The following WWOX variants were observed in gnomAD, a reference collection of about 807,000 sequenced individuals.
WWOX encodes the protein WW domain-containing oxidoreductase.
Under a neutral mutation model 46.2 loss-of-function variants are expected in WWOX, and 69 were observed. That is an observed-to-expected ratio of 1.49 (90% CI 1.23 to 1.82). The LOEUF (loss-of-function observed/expected upper bound fraction) is 1.82, where lower values mean the gene tolerates loss of function less well. Among genes scored for constraint, WWOX ranks in the 40% most tolerant of loss-of-function variants. The pLI is 0.00. For synonymous variants in WWOX, 359 were observed against 202.6 expected (o/e 1.77, Z -6.56); for missense variants, 919 against 542.6 (o/e 1.69, Z -6.89).
chr16:78,923,850 A>T (rs573221950), intron 8 of WWOX, among the ~76,000 whole-genome samples: 237 of 117,416 alleles, frequency 2.0e-3, no homozygotes, highest in African/African-American at 7.6e-3. Flanking sequence ...CCCAGGCTGG[A>T]GTGCAGTGGC....
intron 8 of WWOX, among the ~76,000 whole-genome samples, chr16:79,087,105 G>A (rs2048867850): frequency 6.6e-6 from 1 of 152,182 alleles, no homozygotes; most frequent in African/African-American, 2.4e-5. Flanking sequence ...GATGGAGATG[G>A]GAATTGCATT....
At chr16:79,156,429 G>A (rs977083690) in intron 8 of WWOX, among the ~76,000 whole-genome samples, 1 of 152,180 alleles carries the variant, frequency 6.6e-6, no homozygotes, top group Non-Finnish European at 1.5e-5. Flanking sequence ...CCAAAGTGCT[G>A]GGATAACAGG....
intron 8 of WWOX, among the ~76,000 whole-genome samples, chr16:78,935,005 G>A (rs1169520348): frequency 1.3e-5 from 2 of 152,132 alleles, no homozygotes; most frequent in Non-Finnish European, 2.9e-5. Context: ...ATGAAAAAAT[G>A]CTCATCATCA....
intron 8 of WWOX, among the ~76,000 whole-genome samples, chr16:79,010,750 G>C (rs1415118283): frequency 1.3e-5 from 2 of 150,912 alleles, no homozygotes; most frequent in African/African-American, 2.4e-5. Context: ...GAACCTTCCA[G>C]GGACATGGAC....
intron 5 of WWOX, among the ~76,000 whole-genome samples, chr16:78,260,728 C>T (rs1017347510): frequency 6.6e-6 from 1 of 150,432 alleles, no homozygotes; most frequent in East Asian, 1.9e-4. Context: ...CACTTGAGGT[C>T]AGGAGTTTGA....
intron 8 of WWOX, among the ~76,000 whole-genome samples, chr16:78,533,984 T>C (rs1256323981): frequency 1.3e-5 from 2 of 152,190 alleles, no homozygotes; most frequent in Non-Finnish European, 2.9e-5. Flanking sequence ...GCAAATATTC[T>C]AGTATTTGCC....
At chr16:78,375,343 A>C (rs1401187588) in intron 5 of WWOX, among the ~76,000 whole-genome samples, 1 of 152,190 alleles carries the variant, frequency 6.6e-6, no homozygotes, top group East Asian at 1.9e-4. Context: ...TGAGTTTCCA[A>C]ATGGCTTATG....
chr16:79,034,248 G>C (rs2047822288), intron 8 of WWOX, among the ~76,000 whole-genome samples: 1 of 152,140 alleles, frequency 6.6e-6, no homozygotes, highest in African/African-American at 2.4e-5. Context: ...TGTAAAAATA[G>C]TTCACTGTCT....
chr16:78,475,240 C>T (rs567171106), intron 8 of WWOX, among the ~76,000 whole-genome samples: 6 of 152,332 alleles, frequency 3.9e-5, no homozygotes, highest in African/African-American at 1.4e-4. Flanking sequence ...ATGCTGGAAG[C>T]TGCTGCTGCT....
intron 8 of WWOX, among the ~76,000 whole-genome samples, chr16:79,082,560 T>C (rs1332578827): frequency 6.6e-6 from 1 of 152,174 alleles, no homozygotes; most frequent in Non-Finnish European, 1.5e-5. Flanking sequence ...GGGTTGATCA[T>C]TGTGGTTCAT....
intron 8 of WWOX, among the ~76,000 whole-genome samples, chr16:78,861,723 G>A (rs1370939339): frequency 6.6e-6 from 1 of 152,046 alleles, no homozygotes; most frequent in African/African-American, 2.4e-5. Context: ...TTGAATTCCA[G>A]GTAAAAACCT....
At chr16:78,640,036 G>A (rs547964979) in intron 8 of WWOX, among the ~76,000 whole-genome samples, 1 of 152,274 alleles carries the variant, frequency 6.6e-6, no homozygotes, top group Non-Finnish European at 1.5e-5. Context: ...AGATAGGAAA[G>A]TGACACAGCA....
At chr16:78,873,056 T>G (rs1430279215) in intron 8 of WWOX, 1 of 152,306 alleles carries the variant, frequency 6.6e-6, no homozygotes, top group African/African-American at 2.4e-5. Flanking sequence ...TTTGGCCTCC[T>G]GAAGTACTGA....
chr16:78,687,769 TCTGA>T (rs1205685171), intron 8 of WWOX, among the ~76,000 whole-genome samples: 11 of 152,160 alleles, frequency 7.2e-5, no homozygotes, highest in African/African-American at 2.7e-4. Flanking sequence ...ATTCTCCAGG[TCTGA>T]CTATTAACCA....
At chr16:78,577,270 C>A (rs1020810395) in intron 8 of WWOX, among the ~76,000 whole-genome samples, 5 of 152,180 alleles carry the variant, frequency 3.3e-5, no homozygotes, top group Non-Finnish European at 5.9e-5. Flanking sequence ...ATTTGCTGAA[C>A]AGACTTTCTG....
At chr16:78,700,657 T>A (rs997412641) in intron 8 of WWOX, among the ~76,000 whole-genome samples, 1 of 152,176 alleles carries the variant, frequency 6.6e-6, no homozygotes, top group Non-Finnish European at 1.5e-5. Flanking sequence ...CATATTATAC[T>A]TCCATATCGT....
At chr16:78,712,837 T>C in intron 8 of WWOX, among the ~76,000 whole-genome samples, 1 of 152,004 alleles carries the variant, frequency 6.6e-6, no homozygotes, top group East Asian at 1.9e-4. Context: ...GATTGGAAAA[T>C]GTTCATGTTA....
At chr16:78,449,084 A>T (rs755877119) in intron 8 of WWOX, among the ~76,000 whole-genome samples, 5 of 152,140 alleles carry the variant, frequency 3.3e-5, no homozygotes, top group Non-Finnish European at 1.5e-5. Context: ...CTCAAGACTC[A>T]GCAGGGAAGG....
chr16:78,575,541 T>G (rs2044856581), intron 8 of WWOX, among the ~76,000 whole-genome samples: 1 of 152,022 alleles, frequency 6.6e-6, no homozygotes. Context: ...TCTTGTGACT[T>G]CAGCTTTGTT....
Sources: allele counts gnomAD v4.1 joint callset (sites outside exome capture counted in the v4.1 genomes callset), GRCh38; gene constraint gnomAD v4.1.1; transcripts MANE v1.5; gene names NCBI Gene and HGNC (gene_info 2026-07-23, HGNC 2026-07-21).